NPTN: variants seen among roughly 807,000 people sequenced by gnomAD.
NPTN encodes the protein SDR-1.
A neutral mutation model predicts 42.7 loss-of-function variants in NPTN; 5 were observed. That is an observed-to-expected ratio of 0.12 (90% CI 0.06 to 0.25). The LOEUF (loss-of-function observed/expected upper bound fraction) is 0.25, where lower values mean the gene tolerates loss of function less well. Among genes scored for constraint, NPTN ranks in the 10% least tolerant of loss-of-function variants. The pLI, the probability that NPTN is intolerant of heterozygous loss-of-function variation, is 1.00. For missense variants in NPTN, 307 were observed against 525.4 expected (o/e 0.58, Z 4.06); for synonymous variants, 180 against 201.9 (o/e 0.89, Z 0.92).
At chr15:73,625,574 G>A (rs939676634) in intron 1 of NPTN, among the ~76,000 whole-genome samples, 15 of 152,124 alleles carry the variant, frequency 9.9e-5, no homozygotes, top group African/African-American at 2.2e-4. Flanking sequence ...CTCGTGATCC[G>A]CCCACCGCAG....
At chr15:73,593,773 G>A (rs779146603) in intron 2 of NPTN, among the ~76,000 whole-genome samples, 1 of 152,154 alleles carries the variant, frequency 6.6e-6, no homozygotes, top group Non-Finnish European at 1.5e-5. Context: ...AAAGGATAAC[G>A]GTTATCTTCC....
chr15:73,611,878 C>A (rs1436095342), intron 1 of NPTN, among the ~76,000 whole-genome samples: 1 of 152,086 alleles, frequency 6.6e-6, no homozygotes, highest in African/African-American at 2.4e-5. Context: ...CTCTGTACTT[C>A]CTGCTCAATT....
rs931606692 is a variant in NPTN at position 73,580,494 on chromosome 15, C to T, written c.707-6699G>A. Reference sequence around the variant, plus strand: ...TTATATATACATAAATATATATATACATAAATATATATATTATATATAATA... The same window carrying T: ...TTATATATACATAAATATATATATATATAAATATATATATTATATATAATA... On this transcript the variant is annotated intron_variant, in intron 4 of 8. Transcript: ENST00000345330. Among the ~76,000 whole-genome samples the T allele has an allele frequency of 2.7e-3, 334 of 124,598 alleles. 1 individual carries two copies. Among genetic ancestry groups the T allele is most frequent in the Middle Eastern group, 4.2e-3 (1 of 238 alleles). The allele number at this position is 124,598 out of a possible 152,430, so 81.7% of individuals were successfully genotyped here. A position where few individuals can be genotyped will look rare whatever the true frequency, so the allele number is the denominator to read the frequency against.
intron 1 of NPTN, among the ~76,000 whole-genome samples, chr15:73,614,066 C>A (rs897565245): frequency 7.9e-5 from 12 of 151,386 alleles, no homozygotes; most frequent in African/African-American, 2.9e-4. Context: ...AATCCCAGAA[C>A]TTTGGGAGGC....
At chr15:73,599,833 GGA>G in intron 1 of NPTN, among the ~76,000 whole-genome samples, 1 of 152,124 alleles carries the variant, frequency 6.6e-6, no homozygotes. Flanking sequence ...GTGAACTTGG[GGA>G]GTTACAGCCT....
chr15:73,606,075 G>A (rs1477091941), intron 1 of NPTN, among the ~76,000 whole-genome samples: 1 of 152,058 alleles, frequency 6.6e-6, no homozygotes, highest in Non-Finnish European at 1.5e-5. Context: ...AAAATAAAAA[G>A]AAAATGCTAG....
chr15:73,582,007 G>C (rs892486306), intron 4 of NPTN, among the ~76,000 whole-genome samples: 1 of 152,102 alleles, frequency 6.6e-6, no homozygotes, highest in African/African-American at 2.4e-5. Flanking sequence ...GCTAATTTTT[G>C]TATTTTTTAG....
intron 1 of NPTN, among the ~76,000 whole-genome samples, chr15:73,627,838 A>G (rs1052203721): frequency 1.4e-4 from 21 of 152,208 alleles, no homozygotes; most frequent in African/African-American, 3.9e-4. Context: ...TTAGACATCA[A>G]TATCACTAGA....
At chr15:73,580,445 T>C (rs1164590215) in intron 4 of NPTN, among the ~76,000 whole-genome samples, 1 of 136,052 alleles carries the variant, frequency 7.4e-6, no homozygotes. Flanking sequence ...ATATATAATA[T>C]ATATGTATAT....
chr15:73,600,336 C>A (rs959350287), intron 1 of NPTN, among the ~76,000 whole-genome samples: 4 of 132,754 alleles, frequency 3.0e-5, no homozygotes, highest in Non-Finnish European at 6.3e-5. Context: ...TCTTTGAAGG[C>A]CATTATTGTT....
intron 4 of NPTN, among the ~76,000 whole-genome samples, chr15:73,575,141 G>A (rs1895615790): frequency 1.3e-5 from 2 of 152,168 alleles, no homozygotes; most frequent in African/African-American, 4.8e-5. Context: ...GTGCCACCAT[G>A]CCCAGCTAAT....
intron 1 of NPTN, among the ~76,000 whole-genome samples, chr15:73,606,909 T>C (rs1404908767): frequency 6.6e-6 from 1 of 152,186 alleles, no homozygotes; most frequent in African/African-American, 2.4e-5. Context: ...CTAAGTCAGT[T>C]TAGCAAGAAC....
chr15:73,594,144 C>G (rs1392826849), intron 2 of NPTN, among the ~76,000 whole-genome samples: 1 of 152,152 alleles, frequency 6.6e-6, no homozygotes, highest in African/African-American at 2.4e-5. Flanking sequence ...TAGGTTTTTA[C>G]TTAATTTTTA....
At chr15:73,592,787 G>A (rs1896655849) in intron 2 of NPTN, among the ~76,000 whole-genome samples, 1 of 152,128 alleles carries the variant, frequency 6.6e-6, no homozygotes. Flanking sequence ...CCCAAAACAA[G>A]TTGTTGTTTT....
At chr15:73,617,319 T>C (rs769670117) in intron 1 of NPTN, among the ~76,000 whole-genome samples, 37 of 152,240 alleles carry the variant, frequency 2.4e-4, no homozygotes, top group Non-Finnish European at 2.9e-4. Flanking sequence ...AGTTATCATG[T>C]AAGCAAATCC....
chr15:73,578,488 G>C (rs1244831365), intron 4 of NPTN, among the ~76,000 whole-genome samples: 1 of 152,192 alleles, frequency 6.6e-6, no homozygotes, highest in Non-Finnish European at 1.5e-5. Flanking sequence ...AAGAAAAGGA[G>C]TCAAGGATGA....
chr15:73,603,196 TATGAG>T (rs1469366099), intron 1 of NPTN, among the ~76,000 whole-genome samples: 1 of 152,228 alleles, frequency 6.6e-6, no homozygotes, highest in East Asian at 1.9e-4. Flanking sequence ...GTGAGGATTA[TATGAG>T]ATAACATAGC....
At chr15:73,562,235 C>CCA (rs1361083600) in intron 7 of NPTN, among the ~76,000 whole-genome samples, 1 of 152,176 alleles carries the variant, frequency 6.6e-6, no homozygotes, top group Non-Finnish European at 1.5e-5. Context: ...ACCAGTTCAG[C>CCA]ATCCCTAATC....
chr15:73,581,884 G>C (rs929235779), intron 4 of NPTN, among the ~76,000 whole-genome samples: 13 of 151,948 alleles, frequency 8.6e-5, no homozygotes, highest in Non-Finnish European at 1.8e-4. Flanking sequence ...GCCCAGGCTG[G>C]AGTGCAGCAG....
Sources: allele counts gnomAD v4.1 joint callset (sites outside exome capture counted in the v4.1 genomes callset), GRCh38; gene constraint gnomAD v4.1.1; transcripts MANE v1.5; gene names NCBI Gene and HGNC (gene_info 2026-07-23, HGNC 2026-07-21).